The following PLEKHB2 variants were observed in gnomAD, a reference collection of about 807,000 sequenced individuals.
PLEKHB2 encodes the protein pleckstrin homology domain containing B2, also known as pleckstrin homology domain-containing family B member 2.
A neutral mutation model predicts 36.5 loss-of-function variants in PLEKHB2; 31 were observed. That is an observed-to-expected ratio of 0.85 (90% CI 0.64 to 1.15). PLEKHB2 has a LOEUF of 1.15. PLEKHB2 is among the 50% of genes most tolerant of loss of function. The probability of loss-of-function intolerance (pLI) is 0.00; values close to 1 mark genes in which losing one functional copy is unlikely to be tolerated. For missense variants in PLEKHB2, 262 were observed against 295.3 expected (o/e 0.89, Z 0.83); for synonymous variants, 119 against 112.0 (o/e 1.06, Z -0.39).
Position 131,120,946 on chromosome 2 carries a change from C to T in PLEKHB2, c.5C>T (p.Ala2Val), listed in dbSNP as rs771704984. The part of the protein sequence containing the change: M[A>V]FVKSGWLLRQ... ...TTTTGTTCTGTAGGTGAAGAGATGG[C>T]GTTTGTGAAGAGTGGCTGGTTGCTG... is the stretch of plus-strand genomic sequence containing the variant. The change falls in exon 2 of 8, where the codon GCG (alanine) becomes GTG (valine). Residue 2 changes from alanine to valine, a missense_variant. Physicochemically the swap from Ala to Val is moderately conservative, Grantham distance 64. Coordinates refer to ENST00000693505, the MANE Select transcript of PLEKHB2 (RefSeq NM_001100623.2). The T allele has an allele frequency of 8.1e-6, 13 of 1,613,984 alleles. No individual in the cohort carries two copies. Among genetic ancestry groups the T allele is most frequent in the Admixed American group, 1.7e-5 (1 of 60,008 alleles).
intron 2 of PLEKHB2, among the ~76,000 whole-genome samples, chr2:131,122,821 CAAAG>C (rs1334863069): frequency 1.3e-5 from 2 of 152,184 alleles, no homozygotes; most frequent in East Asian, 3.9e-4. Context: ...GTTAGCTTCA[CAAAG>C]AAAGTCCTGG....
intron 2 of PLEKHB2, among the ~76,000 whole-genome samples, chr2:131,125,064 G>A (rs1317515043): frequency 1.3e-5 from 2 of 152,062 alleles, no homozygotes; most frequent in Non-Finnish European, 2.9e-5. Context: ...GATTACACGC[G>A]TGAACCACCG....
intron 7 of PLEKHB2, among the ~76,000 whole-genome samples, chr2:131,143,623 C>A (rs753208231): frequency 5.3e-5 from 8 of 152,212 alleles, no homozygotes; most frequent in Non-Finnish European, 1.0e-4. Flanking sequence ...TAAAGATGGC[C>A]TGTTGTGCTC....
chr2:131,120,841 C>A, intron 1 of PLEKHB2, 93 bp from the exon 2 acceptor site: 2 of 1,308,430 alleles, frequency 1.5e-6, no homozygotes, highest in Non-Finnish European at 2.2e-6. Flanking sequence ...CCTTCCTCAG[C>A]TGATGCTGAA....
intron 1 of PLEKHB2, among the ~76,000 whole-genome samples, chr2:131,115,038 A>G (rs891025443): frequency 6.6e-6 from 1 of 152,214 alleles, no homozygotes; most frequent in African/African-American, 2.4e-5. Flanking sequence ...TTATAAAGGA[A>G]GGAGGTTTAG....
chr2:131,105,970 T>A (rs1043535644), intron 1 of PLEKHB2, among the ~76,000 whole-genome samples: 2 of 152,138 alleles, frequency 1.3e-5, no homozygotes, highest in African/African-American at 4.8e-5. Context: ...GCGTTGAGGC[T>A]TTACCCTCGC....
At chr2:131,115,376 A>G (rs1452028861) in intron 1 of PLEKHB2, among the ~76,000 whole-genome samples, 3 of 83,766 alleles carry the variant, frequency 3.6e-5, no homozygotes, top group African/African-American at 4.7e-5. Context: ...TTTTTTTGAG[A>G]TGGAGTCTGG....
Position 131,148,271 on chromosome 2 carries a change from C to T in PLEKHB2, c.*1498C>T, listed in dbSNP as rs2105009809. On this transcript the variant is annotated 3_prime_UTR_variant, in exon 8 of 8. Transcript: ENST00000693505. ...AGCTTAGAACATTGAATTTGGAACC[C>T]CAAAATGTGTGAGTCTTTGGAAAAC... The T allele has an allele frequency of 6.6e-6, 1 of 152,232 alleles. No individual in the cohort carries two copies. The highest frequency in any genetic ancestry group is 2.4e-5 in the African/African-American group (1 of 41,550). The allele number at this position is 152,232 out of a possible 1,614,324, so 9.4% of individuals were successfully genotyped here.
intron 5 of PLEKHB2, 28 bp downstream of exon 5, chr2:131,130,788 AT>A (rs750249915): frequency 0.13 from 145,661 of 1,149,722 alleles, no homozygotes; most frequent in South Asian, 0.16. Flanking sequence ...ATCACCAATA[AT>A]TTTTTTTTTT....
chr2:131,136,978 C>T (rs1253714680), intron 6 of PLEKHB2, among the ~76,000 whole-genome samples: 3 of 145,936 alleles, frequency 2.1e-5, no homozygotes, highest in Non-Finnish European at 4.5e-5. Context: ...CGGAGTCTCA[C>T]TCTTGTCGCC....
At chr2:131,144,335 C>G (rs773120448) in intron 7 of PLEKHB2, 25 of 603,842 alleles carry the variant, frequency 4.1e-5, no homozygotes, top group Non-Finnish European at 5.8e-5. Context: ...GTTCGGCTCT[C>G]CTATAATGTG....
chr2:131,105,652 C>T (rs1275581582), intron 1 of PLEKHB2, among the ~76,000 whole-genome samples: 1 of 152,170 alleles, frequency 6.6e-6, no homozygotes, highest in Non-Finnish European at 1.5e-5. Flanking sequence ...TTCGAGAGCC[C>T]TCCCAGTGGG....
intron 5 of PLEKHB2, among the ~76,000 whole-genome samples, chr2:131,132,004 T>C (rs1405032814): frequency 3.9e-5 from 6 of 152,130 alleles, no homozygotes; most frequent in Non-Finnish European, 8.8e-5. Flanking sequence ...CAGCTAATTT[T>C]TGTATTTTTA....
At chr2:131,134,341 T>C (rs1437651871) in intron 6 of PLEKHB2, among the ~76,000 whole-genome samples, 2 of 152,152 alleles carry the variant, frequency 1.3e-5, no homozygotes, top group African/African-American at 2.4e-5. Context: ...CATGAGCTGA[T>C]TTATTGGCTT....
chr2:131,109,382 T>C (rs1225090531), intron 1 of PLEKHB2, among the ~76,000 whole-genome samples: 3 of 152,156 alleles, frequency 2.0e-5, no homozygotes, highest in Admixed American at 6.6e-5. Flanking sequence ...AAATAATACA[T>C]GTACATAGAT....
At chr2:131,141,320 T>C (rs1698755186) in intron 7 of PLEKHB2, among the ~76,000 whole-genome samples, 1 of 152,132 alleles carries the variant, frequency 6.6e-6, no homozygotes, top group Non-Finnish European at 1.5e-5. Flanking sequence ...TGACTTTTTT[T>C]CATGTCAAGT....
At chr2:131,146,300 C>T (rs899117748) in intron 7 of PLEKHB2, among the ~76,000 whole-genome samples, 5 of 152,174 alleles carry the variant, frequency 3.3e-5, no homozygotes, top group Non-Finnish European at 7.3e-5. Context: ...TTGTTGGGCA[C>T]TGTGTGTCTC....
At chr2:131,110,334 T>C (rs79623139) in intron 1 of PLEKHB2, among the ~76,000 whole-genome samples, 3 of 151,040 alleles carry the variant, frequency 2.0e-5, no homozygotes, top group African/African-American at 4.9e-5. Flanking sequence ...TTTTTTTTTT[T>C]CCTCCCCAGT....
intron 7 of PLEKHB2, chr2:131,144,319 G>A: frequency 4.4e-6 from 2 of 458,914 alleles, no homozygotes; most frequent in Non-Finnish European, 7.1e-6. Context: ...CCGCTAGTGG[G>A]TGTTCGTTCG....
Sources: allele counts gnomAD v4.1 joint callset (sites outside exome capture counted in the v4.1 genomes callset), GRCh38; gene constraint gnomAD v4.1.1; transcripts MANE v1.5; gene names NCBI Gene and HGNC (gene_info 2026-07-23, HGNC 2026-07-21).